DSG2: variants seen among roughly 807,000 people sequenced by gnomAD.
The protein encoded by DSG2 is desmoglein-2.
In DSG2, 45 loss-of-function variants were observed where a neutral mutation model predicts 75.6. The ratio of observed to expected loss-of-function variants is 0.60; its 90% confidence interval spans 0.47 to 0.76. The LOEUF is 0.76. Ranked by LOEUF, DSG2 falls within the 30% of genes least tolerant of loss-of-function variation. The probability of loss-of-function intolerance (pLI) is 0.00; values close to 1 mark genes in which losing one functional copy is unlikely to be tolerated. For synonymous variants in DSG2, 429 were observed against 483.9 expected (o/e 0.89, Z 1.49); for missense variants, 1,267 against 1,357.4 (o/e 0.93, Z 1.05).
chr18:31,517,202 G>A (rs2073099098), intron 1 of DSG2, among the ~76,000 whole-genome samples: 1 of 152,152 alleles, frequency 6.6e-6, no homozygotes, highest in Non-Finnish European at 1.5e-5. Flanking sequence ...ACTTATATGT[G>A]GGAGCTAAAA....
chr18:31,533,286 C>A lies in DSG2; in HGVS notation c.1281-1984C>A, dbSNP rs571029075. ...GAGTTCAAGACCAACCTGGGCAACACAGCAAGACCTTGTCTCTACAAAAAA... is the reference window on the plus strand; with the variant it reads ...GAGTTCAAGACCAACCTGGGCAACAAAGCAAGACCTTGTCTCTACAAAAAA... On this transcript the variant is annotated intron_variant, in intron 9 of 14. Transcript: ENST00000261590. 2.0e-5 allele frequency among the ~76,000 whole-genome samples: 3 copies of A among 152,156 alleles called. No homozygotes were observed. In the South Asian group the frequency reaches 6.2e-4, roughly 32 times the overall value.
At chr18:31,531,355 C>A in intron 9 of DSG2, 103 bp downstream of exon 9, 1 of 1,360,484 alleles carries the variant, frequency 7.4e-7, no homozygotes, top group South Asian at 1.3e-5. Flanking sequence ...TCAAATCCAG[C>A]ATTATAGTTC....
chr18:31,502,634 C>G (rs1248334135), intron 1 of DSG2, among the ~76,000 whole-genome samples: 1 of 152,074 alleles, frequency 6.6e-6, no homozygotes, highest in African/African-American at 2.4e-5. Flanking sequence ...GCCTGTAGTC[C>G]CAGCTACTCA....
intron 1 of DSG2, among the ~76,000 whole-genome samples, chr18:31,515,376 A>G (rs1260922560): frequency 1.3e-5 from 2 of 152,140 alleles, no homozygotes; most frequent in East Asian, 3.9e-4. Flanking sequence ...AAGTGCTGGG[A>G]TTACAGGTGT....
chr18:31,501,698 A>G (rs2144283730), intron 1 of DSG2, among the ~76,000 whole-genome samples: 1 of 152,252 alleles, frequency 6.6e-6, no homozygotes, highest in Admixed American at 6.5e-5. Flanking sequence ...TCCTTGTCCA[A>G]ATTTCCCCAT....
At chr18:31,519,651 T>C in intron 2 of DSG2, 152 bp from the exon 3 acceptor site, 1 of 778,106 alleles carries the variant, frequency 1.3e-6, no homozygotes, top group Non-Finnish European at 2.1e-6. Context: ...CTAGAATATA[T>C]ATATTCCCTT....
At chr18:31,508,550 C>T (rs1471034163) in intron 1 of DSG2, among the ~76,000 whole-genome samples, 1 of 151,958 alleles carries the variant, frequency 6.6e-6, no homozygotes, top group Non-Finnish European at 1.5e-5. Context: ...TGCACCACCA[C>T]ACCTGGCTAA....
intron 12 of DSG2, 117 bp downstream of exon 12, chr18:31,539,095 C>T (rs2073250543): frequency 1.0e-6 from 1 of 974,998 alleles, no homozygotes; most frequent in South Asian, 1.3e-5. Flanking sequence ...CACTAGAGCA[C>T]TTTGAGGGTG....
Position 31,546,272 on chromosome 18 carries a change from T to G in DSG2, c.2886T>G (p.Ile962Met), listed in dbSNP as rs79229040. ...ILGPSQPQSL[I>M]VTERVYAPAS... ...GTCCTAGCCAGCCACAGAGCCTTAT[T>G]GTGACAGAGAGGGTGTATGCTCCAG... The change falls in exon 15 of 15, where the codon ATT becomes ATG. Residue 962 changes from isoleucine to methionine, a missense_variant. Coordinates refer to ENST00000261590, the MANE Select transcript of DSG2 (RefSeq NM_001943.5). 4.8e-4 allele frequency: 767 copies of G among 1,603,574 alleles called. 4 individuals carry two copies. In the African/African-American group the frequency reaches 8.9e-3, roughly 19 times the overall value.
chr18:31,538,230 A>AT (rs199950205), intron 11 of DSG2, among the ~76,000 whole-genome samples: 2 of 152,000 alleles, frequency 1.3e-5, no homozygotes, highest in African/African-American at 4.8e-5. Context: ...GTAGGTTTGA[A>AT]TTTTTTTTCC....
At chr18:31,518,206 A>G (rs1317008662) in intron 1 of DSG2, 33 bp from the exon 2 acceptor site, 1 of 1,566,932 alleles carries the variant, frequency 6.4e-7, no homozygotes, top group East Asian at 2.2e-5. Flanking sequence ...TGAGCAGTAA[A>G]TTGGCTAAAT....
chr18:31,506,941 ATTATACT>A (rs552005061), intron 1 of DSG2, among the ~76,000 whole-genome samples: 62 of 152,018 alleles, frequency 4.1e-4, no homozygotes, highest in African/African-American at 1.5e-3. Flanking sequence ...TTTTTTTTTA[ATTATACT>A]TTAAGTTCTG....
chr18:31,498,197 G>T lies in DSG2; in HGVS notation c.-55G>T. ...CCAGGGAGGAGCCGAGTGCGCGCTC[G>T]GGGCAGGCGGCGGCGCGGAGCGGTG... is the stretch of plus-strand genomic sequence containing the variant. On this transcript the variant is annotated 5_prime_UTR_variant, in exon 1 of 15. Coordinates refer to ENST00000261590, the MANE Select transcript of DSG2 (RefSeq NM_001943.5). The T allele has an allele frequency of 8.2e-6, 10 of 1,226,226 alleles. No homozygotes were observed. The highest frequency in any genetic ancestry group is 1.0e-5 in the Non-Finnish European group (10 of 980,704). The allele number at this position is 1,226,226 out of a possible 1,614,324, so 76.0% of individuals were successfully genotyped here. A position where few individuals can be genotyped will look rare whatever the true frequency, so the allele number is the denominator to read the frequency against.
chr18:31,527,468 A>G (rs1280487815), intron 8 of DSG2, among the ~76,000 whole-genome samples: 1 of 152,222 alleles, frequency 6.6e-6, no homozygotes, highest in African/African-American at 2.4e-5. Context: ...TGTGGATAAA[A>G]AAACAATAAA....
chr18:31,513,433 C>A (rs1331519033), intron 1 of DSG2, among the ~76,000 whole-genome samples: 1 of 152,180 alleles, frequency 6.6e-6, no homozygotes, highest in Non-Finnish European at 1.5e-5. Flanking sequence ...GACCAAAATT[C>A]TCTTACACAT....
intron 1 of DSG2, among the ~76,000 whole-genome samples, chr18:31,502,302 A>G (rs931231989): frequency 1.3e-5 from 2 of 152,224 alleles, no homozygotes; most frequent in Admixed American, 1.3e-4. Context: ...AAACTTCCCA[A>G]TTGATCTAAT....
intron 4 of DSG2, 32 bp from the exon 5 acceptor site, chr18:31,521,067 T>G (rs1568105227): frequency 6.2e-7 from 1 of 1,613,402 alleles, no homozygotes; most frequent in East Asian, 2.2e-5. Flanking sequence ...TTTCTTAGCT[T>G]AAATCTAATC....
chr18:31,521,244 G>C lies in DSG2; in HGVS notation c.523+1G>C, dbSNP rs553299589. 1.1e-5 allele frequency: 17 copies of C among 1,602,634 alleles called. No individual in the cohort carries two copies. The South Asian group carries it at 1.1e-4, about 11-fold the overall frequency. ...TCTGTTGAAGAGTTGAGTGCAGCAC[G>C]TAAGAGTCTTTTTTTTTTTTTTTAA... On this transcript the variant is annotated splice_donor_variant, in intron 5 of 14. Coordinates refer to ENST00000261590, the MANE Select transcript of DSG2 (RefSeq NM_001943.5). LOFTEE classifies it high-confidence loss of function.
intron 14 of DSG2, among the ~76,000 whole-genome samples, chr18:31,544,295 G>A (rs2073289853): frequency 6.6e-6 from 1 of 151,676 alleles, no homozygotes. Flanking sequence ...GTCATACAAT[G>A]TACTTTGATG....
Sources: allele counts gnomAD v4.1 joint callset (sites outside exome capture counted in the v4.1 genomes callset), GRCh38; gene constraint gnomAD v4.1.1; transcripts MANE v1.5; gene names NCBI Gene and HGNC (gene_info 2026-07-23, HGNC 2026-07-21).